The following CEP250 variants were observed in gnomAD, a reference collection of about 807,000 sequenced individuals.
CEP250 encodes centrosomal protein 250.
A neutral mutation model predicts 315.7 loss-of-function variants in CEP250; 242 were observed. That is an observed-to-expected ratio of 0.77 (90% CI 0.69 to 0.85). The LOEUF (loss-of-function observed/expected upper bound fraction) is 0.85, where lower values mean the gene tolerates loss of function less well. CEP250 is among the 40% of genes least tolerant of loss of function. CEP250 has a pLI of 0.00. For missense variants in CEP250, 2,515 were observed against 2,886.4 expected, an observed-to-expected ratio of 0.87 and a Z score of 2.95; for synonymous variants, 1,088 against 1,175.0, an observed-to-expected ratio of 0.93 and a Z score of 1.51.
At position 35,498,599 on chromosome 20, in the gene CEP250, G is replaced by T. The variant is rs923704182; in HGVS notation, c.3660G>T (p.Gln1220His). 4 of 1,605,140 alleles carry T rather than the reference G, an allele frequency of 2.5e-6. No homozygotes were observed. Among genetic ancestry groups the T allele is most frequent in the Non-Finnish European group, 3.4e-6 (4 of 1,177,564 alleles). The change falls in exon 27 of 35, where the codon CAG becomes CAT. Residue 1220 changes from glutamine to histidine, a missense_variant. Gln to His is a conservative substitution (Grantham distance 24). Coordinates refer to ENST00000397527, the MANE Select transcript of CEP250 (RefSeq NM_007186.6). ...APSVWGLEPD[Q>H]NGARSLFKRG... ...AGGTTTTCCTCATTTTTTCAGACCAGAATGGAGCTAGGAGCCTCTTTAAGA... is the reference window on the plus strand; with the variant it reads ...AGGTTTTCCTCATTTTTTCAGACCATAATGGAGCTAGGAGCCTCTTTAAGA...
At position 35,494,528 on chromosome 20, in the gene CEP250, A is replaced by G; in HGVS notation, c.3038A>G (p.Glu1013Gly). ...TTCATGCCCTTAATTTTCCAGGTGGAGGACTTGAAGTCTCAGCTGGTGGCC... is the reference window on the plus strand; with the variant it reads ...TTCATGCCCTTAATTTTCCAGGTGGGGGACTTGAAGTCTCAGCTGGTGGCC... ...QDKMDLQKQV[E>G]DLKSQLVAQD... Residue 1013 changes from glutamate (E) to glycine (G), a missense_variant, in exon 24 of 35, where the codon GAG (glutamate) becomes GGG (glycine). Physicochemically the swap from Glu to Gly is moderately conservative, Grantham distance 98 (BLOSUM62 -2). Transcript: ENST00000397527. 1 of 1,613,798 alleles carries G rather than the reference A, an allele frequency of 6.2e-7. No homozygotes were observed. Among genetic ancestry groups the G allele is most frequent in the African/African-American group, 1.3e-5 (1 of 75,028 alleles).
At position 35,500,125 on chromosome 20, in the gene CEP250, C is replaced by T. The variant is rs1173750929; in HGVS notation, c.3854C>T (p.Thr1285Ile). The change falls in exon 28 of 35, where the codon ACA becomes ATA. Residue 1285 changes from threonine (T) to isoleucine (I), a missense_variant. By Grantham distance (89) the Thr-to-Ile change is moderately conservative. Coordinates refer to ENST00000397527, the MANE Select transcript of CEP250 (RefSeq NM_007186.6). Reference protein sequence around the residue: ...DTEAEKSQVHTELQDLQRQLS... With the variant: ...DTEAEKSQVHIELQDLQRQLS... ...GAGGCTGAGAAGAGCCAGGTCCACACAGAGTTGCAGGATCTGCAGAGACAG... is the reference window on the plus strand; with the variant it reads ...GAGGCTGAGAAGAGCCAGGTCCACATAGAGTTGCAGGATCTGCAGAGACAG... The T allele has an allele frequency of 1.2e-6, 2 of 1,613,898 alleles. No homozygotes were observed. Among genetic ancestry groups the T allele is most frequent in the Non-Finnish European group, 1.7e-6 (2 of 1,179,982 alleles).
intron 9 of CEP250, 53 bp downstream of exon 9, chr20:35,467,608 T>G (rs1039993779): frequency 3.8e-6 from 6 of 1,578,450 alleles, no homozygotes; most frequent in Non-Finnish European, 5.2e-6. Context: ...GCTGACTCCT[T>G]TAGAGGGTTA....
In CEP250 at chr20:35,500,178, C is replaced by T. The variant is rs1036046896; in HGVS notation, c.3898+9C>T. ...CTCCCAGAATCAGGAAGGTGAGAAG[C>T]TCAAGACAGGCAGGGAGATTGAGAG... On this transcript the variant is annotated intron_variant, in intron 28 of 34. Transcript: ENST00000397527. The T allele has an allele frequency of 1.9e-6, 3 of 1,613,392 alleles. No homozygotes were observed. Among genetic ancestry groups the T allele is most frequent in the Non-Finnish European group, 2.5e-6 (3 of 1,179,946 alleles).
rs796219406 is a variant in CEP250, at chr20:35,519,018, G to A, written c.*7392G>A. On this transcript the variant is annotated 3_prime_UTR_variant, in exon 35 of 35. Coordinates refer to ENST00000397527, the MANE Select transcript of CEP250 (RefSeq NM_007186.6). The stretch of plus-strand genomic sequence containing the variant: ...ACTGCACTCCAGCCTGGGTGGCAGA[G>A]CAAGACTCCGTCTCAAAAAAAAAAA... 8 of 150,196 alleles carry A rather than the reference G, an allele frequency of 5.3e-5. No homozygotes were observed. The highest frequency in any genetic ancestry group is 2.0e-4 in the African/African-American group (8 of 40,732). 9.3% of individuals were successfully genotyped at this position (150,196 alleles called of 1,614,324 possible). A position where few individuals can be genotyped will look rare whatever the true frequency, so the allele number is the denominator to read the frequency against.
rs1294176612 is a variant in CEP250, at chr20:35,496,736, G to A, written c.3306+21G>A. The A allele has an allele frequency of 1.9e-6, 3 of 1,608,122 alleles. No individual in the cohort carries two copies. In the South Asian group the frequency reaches 3.3e-5, roughly 18 times the overall value. ...CTCAGGTACTTCCCACTCTGGTTAT[G>A]AGCTCTGCATCCCTGGCAGAAGCCT... is the stretch of plus-strand genomic sequence containing the variant. On this transcript the variant is annotated intron_variant, in intron 25 of 34. Transcript: ENST00000397527.
rs1601154915 is a variant in CEP250 at position 35,472,563 on chromosome 20, G to A, written c.1051-110G>A. 5 of 1,107,402 alleles carry A rather than the reference G, an allele frequency of 4.5e-6. No individual in the cohort carries two copies. In the East Asian group the frequency reaches 9.5e-5, roughly 21 times the overall value. The allele number at this position is 1,107,402 out of a possible 1,614,324, so 68.6% of individuals were successfully genotyped here. A position where few individuals can be genotyped will look rare whatever the true frequency, so the allele number is the denominator to read the frequency against. On this transcript the variant is annotated intron_variant, in intron 11 of 34. Coordinates refer to ENST00000397527, the MANE Select transcript of CEP250 (RefSeq NM_007186.6). ...ATACTCCCCTCCTTCCCCCAGGGGA[G>A]AGGACCTGAGAAGGAAAACATCAGG...
rs187574276 is a variant in CEP250, at chr20:35,491,350, T to C, written c.2889+4T>C. On this transcript the variant is annotated splice_donor_region_variant and intron_variant, in intron 22 of 34. Coordinates refer to ENST00000397527, the MANE Select transcript of CEP250 (RefSeq NM_007186.6). ...AGTCCAGAAATTAAAGGAGCAGGTA[T>C]GGAGGGTGGTCTCGGGAGTAGGGGA... The C allele has an allele frequency of 2.2e-5, 35 of 1,583,196 alleles. No homozygotes were observed. In the East Asian group the frequency reaches 7.9e-4, roughly 36 times the overall value.
rs753868432 is a variant in CEP250 at position 35,504,835 on chromosome 20, C to T, written c.6466C>T (p.Gln2156Ter). The T allele has an allele frequency of 3.7e-6, 6 of 1,614,240 alleles. No individual in the cohort carries two copies. The highest frequency in any genetic ancestry group is 2.2e-5 in the South Asian group (2 of 91,086). ...GCTGCAGCGGGAGCTGGAGCGGCTA[C>T]AGGCAGCCCTGAGACAGACAGAAGC... ...PRLQRELERL[Q>*]AALRQTEARE... The change falls in exon 30 of 35, where the codon CAG (glutamine) becomes TAG (stop). Residue 2156 changes from glutamine (Q) to a stop codon, truncating the protein, a stop_gained. Transcript: ENST00000397527. LOFTEE classifies it high-confidence loss of function.
chr20:35,476,204 A>C (rs2063168473), intron 15 of CEP250: 1 of 385,564 alleles, frequency 2.6e-6, no homozygotes, highest in Admixed American at 4.0e-5. Flanking sequence ...CTTTGTGCTT[A>C]CATTTTCTGT....
Position 35,465,765 on chromosome 20 carries a change from A to C in CEP250, c.266A>C (p.Glu89Ala). The C allele has an allele frequency of 6.2e-7, 1 of 1,606,520 alleles. No individual in the cohort carries two copies. Residue 89 changes from glutamate (E) to alanine (A), a missense_variant, in exon 6 of 35, where the codon GAA (glutamate) becomes GCA (alanine). Transcript: ENST00000397527. ...CAGGGACCAATCCCCCAGAGGTGGG[A>C]AAATGTGGAGGAGCCAAACCTGGAT... ...ATGGPIPQRWENVEEPNLDEL... is the reference protein window; with the variant it reads ...ATGGPIPQRWANVEEPNLDEL...
At chr20:35,499,310 G>A (rs956405300) in intron 27 of CEP250, among the ~76,000 whole-genome samples, 4 of 152,138 alleles carry the variant, frequency 2.6e-5, no homozygotes, top group Non-Finnish European at 5.9e-5. Context: ...CAGATGTATG[G>A]CATTGTTTTC....
Position 35,475,639 on chromosome 20 carries a change from T to A in CEP250, c.1709T>A (p.Leu570Gln). The part of the protein sequence containing the change: ...RQEQTEVTAA[L>Q]ARAEQSIAEL... The stretch of plus-strand genomic sequence containing the variant: ...GAGCAAACGGAAGTGACCGCAGCGC[T>A]GGCTAGGGTGCGTGGCCTCCTCTCC... The change falls in exon 15 of 35, where the codon CTG (leucine) becomes CAG (glutamine). Residue 570 changes from leucine to glutamine, a missense_variant. Transcript: ENST00000397527. 6.2e-7 allele frequency: 1 copy of A among 1,613,548 alleles called. No individual in the cohort carries two copies. Among genetic ancestry groups the A allele is most frequent in the Non-Finnish European group, 8.5e-7 (1 of 1,179,978 alleles).
intron 28 of CEP250, 79 bp downstream of exon 28, chr20:35,500,248 T>C: frequency 6.6e-7 from 1 of 1,524,384 alleles, no homozygotes; most frequent in Non-Finnish European, 8.9e-7. Flanking sequence ...GGCACAGGCC[T>C]AGCAGCCACT....
chr20:35,466,010 G>A (rs1601129024), intron 6 of CEP250, 29 bp from the exon 7 acceptor site: 4 of 1,612,836 alleles, frequency 2.5e-6, no homozygotes, highest in Non-Finnish European at 3.4e-6. Flanking sequence ...CCTTTATTTT[G>A]CACCCACTTT....
At chr20:35,486,125 G>A (rs1278117747) in intron 20 of CEP250, among the ~76,000 whole-genome samples, 1 of 146,796 alleles carries the variant, frequency 6.8e-6, no homozygotes, top group Non-Finnish European at 1.5e-5. Context: ...AGCAATTCTC[G>A]TGCTTCAGCC....
Position 35,502,449 on chromosome 20 carries a change from G to A in CEP250, c.4080G>A (p.Leu1360=), listed in dbSNP as rs754325135. The change falls in exon 30 of 35, where the codon CTG becomes CTA. Residue 1360 remains leucine (L), a synonymous_variant. Transcript: ENST00000397527. ...KENLTAQVEH[L]QAAVVEARAQ... ...ACCTGACAGCCCAGGTGGAACACCT[G>A]CAAGCAGCTGTCGTAGAAGCCAGGG... The A allele has an allele frequency of 2.5e-6, 4 of 1,614,150 alleles. No homozygotes were observed. In the South Asian group the frequency reaches 3.3e-5, roughly 13 times the overall value.
intron 20 of CEP250, among the ~76,000 whole-genome samples, chr20:35,481,822 C>G (rs776630517): frequency 2.6e-5 from 4 of 152,252 alleles, no homozygotes; most frequent in Middle Eastern, 3.4e-3. Context: ...CCCACCTCAG[C>G]CTCCCAAGTA....
Position 35,499,943 on chromosome 20 carries a change from C to T in CEP250, c.3778-106C>T, listed in dbSNP as rs1007281430. The T allele has an allele frequency of 1.8e-5, 26 of 1,446,324 alleles. No homozygotes were observed. In the Middle Eastern group the frequency reaches 5.8e-4, roughly 32 times the overall value. 89.6% of individuals were successfully genotyped at this position (1,446,324 alleles called of 1,614,324 possible). Reference sequence around the variant, plus strand: ...ACCCGGCAATCTGGGAGTAGGTCCACAATGGCGGCCCACCACAGAAGCTGA... The same window carrying T: ...ACCCGGCAATCTGGGAGTAGGTCCATAATGGCGGCCCACCACAGAAGCTGA... On this transcript the variant is annotated intron_variant, in intron 27 of 34. Transcript: ENST00000397527.
Sources: gnomAD v4.1 joint callset for allele counts (sites outside exome capture counted in the v4.1 genomes callset) on GRCh38, gnomAD v4.1.1 for gene constraint, MANE v1.5 for transcripts, NCBI Gene and HGNC (gene_info 2026-07-23, HGNC 2026-07-21) for gene names.